The following NFATC2 variants were observed in gnomAD, a reference collection of about 807,000 sequenced individuals.
NFATC2 encodes nuclear factor of activated T-cells, cytoplasmic 2.
NFATC2 carries 22 observed loss-of-function variants against 87.3 expected under a neutral mutation model. The observed-to-expected ratio is 0.25, with a 90% CI of 0.18 to 0.36. The LOEUF is 0.36. NFATC2 is among the 10% of genes least tolerant of loss of function. The pLI, the probability that NFATC2 is intolerant of heterozygous loss-of-function variation, is 1.00. For missense variants in NFATC2, 1,149 were observed against 1,259.1 expected, an observed-to-expected ratio of 0.91 and a Z score of 1.32; for synonymous variants, 565 against 542.2, an observed-to-expected ratio of 1.04 and a Z score of -0.58.
At chr20:51,426,923 G>A (rs1376812937) in intron 9 of NFATC2, among the ~76,000 whole-genome samples, 1 of 151,930 alleles carries the variant, frequency 6.6e-6, no homozygotes, top group Admixed American at 6.6e-5. Context: ...TGAAGAACAG[G>A]GCAGAAGTAG....
chr20:51,423,291 CAAA>C lies in NFATC2; in HGVS notation c.2722+8773_2722+8775del, dbSNP rs71192527. ...GGTGACAGAGTGAGAGACCCTCTCT[CAAA>C]AAAAAAAAAAAAAAAAAAAAAGGAT... On this transcript the variant is annotated intron_variant, in intron 9 of 10. Coordinates refer to ENST00000371564, the MANE Select transcript of NFATC2 (RefSeq NM_012340.5). 0.013 allele frequency among the ~76,000 whole-genome samples: 814 copies of C among 62,840 alleles called. 15 individuals carry two copies. The East Asian group carries it at 0.17, about 13-fold the overall frequency. The allele number at this position is 62,840 out of a possible 152,430, so 41.2% of individuals were successfully genotyped here. A position where few individuals can be genotyped will look rare whatever the true frequency, so the allele number is the denominator to read the frequency against.
upstream of NFATC2, chr20:51,562,810 C>T: frequency 1.8e-6 from 1 of 561,850 alleles, no homozygotes. This position sits in a 1 kb window ranked among gnomAD's most constrained non-coding sequence, Gnocchi z 5.8. Flanking sequence ...CGGCGCGGCT[C>T]CGCGATCCGG....
At chr20:51,519,834 T>C (rs1460198146) in intron 2 of NFATC2, among the ~76,000 whole-genome samples, 3 of 150,754 alleles carry the variant, frequency 2.0e-5, no homozygotes, top group Admixed American at 1.3e-4. Context: ...GAGAATCACT[T>C]GAACCCAGGA....
upstream of NFATC2, among the ~76,000 whole-genome samples, chr20:51,544,233 C>T (rs570660532): frequency 7.0e-4 from 107 of 152,014 alleles, no homozygotes; most frequent in Non-Finnish European, 1.1e-3. Flanking sequence ...GTGATCCACC[C>T]GCCTCGGCCT....
intron 3 of NFATC2, among the ~76,000 whole-genome samples, chr20:51,477,238 C>T (rs908724384): frequency 6.6e-5 from 10 of 152,070 alleles, no homozygotes; most frequent in East Asian, 1.9e-4. Flanking sequence ...ATCTAGGACA[C>T]GCTGTTGAAA....
In NFATC2 at chr20:51,402,796, C is replaced by T. The variant is rs75015148; in HGVS notation, c.2723-4066G>A. Among the ~76,000 whole-genome samples, 19 of 152,330 alleles carry T rather than the reference C, an allele frequency of 1.2e-4. No homozygotes were observed. The East Asian group carries it at 3.5e-3, about 28-fold the overall frequency. On this transcript the variant is annotated intron_variant, in intron 9 of 10. Coordinates refer to ENST00000371564, the MANE Select transcript of NFATC2 (RefSeq NM_012340.5). ...GATTTCCACCCTAACTTGCTTTGCT[C>T]ATGTCACAGAATCATGCAAAACCTC...
At chr20:51,510,818 C>T (rs764573490) in intron 3 of NFATC2, among the ~76,000 whole-genome samples, 1 of 152,126 alleles carries the variant, frequency 6.6e-6, no homozygotes, top group Non-Finnish European at 1.5e-5. Context: ...GAAACTACCT[C>T]GATCCGGCTG....
rs1413378873 is a variant in NFATC2, at chr20:51,484,219, T to C, written c.1333-8559A>G. ...CACTTATCATGCCCTCAGCTTGAAATGCTCTCCCTCCATGACCTGCAGGGC... is the reference window on the plus strand; with the variant it reads ...CACTTATCATGCCCTCAGCTTGAAACGCTCTCCCTCCATGACCTGCAGGGC... On this transcript the variant is annotated intron_variant, in intron 3 of 10. Coordinates refer to ENST00000371564, the MANE Select transcript of NFATC2 (RefSeq NM_012340.5). Among the ~76,000 whole-genome samples, 4 of 151,852 alleles carry C rather than the reference T, an allele frequency of 2.6e-5. No homozygotes were observed. In the East Asian group the frequency reaches 7.8e-4, roughly 30 times the overall value.
chr20:51,469,335 A>C (rs1430542484), intron 5 of NFATC2, among the ~76,000 whole-genome samples: 1 of 152,190 alleles, frequency 6.6e-6, no homozygotes, highest in Non-Finnish European at 1.5e-5. Flanking sequence ...GTATTTTTTA[A>C]TACAACTCCC....
chr20:51,433,226 G>C (rs747896150), intron 8 of NFATC2, among the ~76,000 whole-genome samples: 8 of 152,140 alleles, frequency 5.3e-5, no homozygotes, highest in Non-Finnish European at 7.4e-5. Flanking sequence ...GCTCCTCAAA[G>C]AGAGGACTTT....
intron 1 of NFATC2, among the ~76,000 whole-genome samples, chr20:51,539,960 C>A (rs1320895598): frequency 1.3e-5 from 2 of 152,170 alleles, no homozygotes. Flanking sequence ...AGAAAAGCTA[C>A]CTCTACTGGG....
intron 1 of NFATC2, among the ~76,000 whole-genome samples, chr20:51,528,422 C>G (rs1186433898): frequency 7.0e-6 from 1 of 142,230 alleles, no homozygotes; most frequent in Non-Finnish European, 1.6e-5. Flanking sequence ...TGTACACAGA[C>G]AGATGTACAC....
At chr20:51,535,731 T>A (rs965538786) in intron 1 of NFATC2, among the ~76,000 whole-genome samples, 4 of 152,228 alleles carry the variant, frequency 2.6e-5, no homozygotes, top group Non-Finnish European at 4.4e-5. Context: ...TTAGCAGGCA[T>A]TTCAGACTTG....
intron 1 of NFATC2, among the ~76,000 whole-genome samples, chr20:51,553,198 C>T (rs967234332): frequency 1.8e-4 from 27 of 152,288 alleles, no homozygotes; most frequent in African/African-American, 6.0e-4. Context: ...GCCCCAGCCC[C>T]CACCTGTCTT....
intron 5 of NFATC2, 106 bp from the exon 6 acceptor site, chr20:51,454,794 G>T: frequency 8.2e-7 from 1 of 1,219,698 alleles, no homozygotes; most frequent in Non-Finnish European, 1.1e-6. Context: ...GCCCACCTGT[G>T]TCACCTGTTG....
At chr20:51,514,300 TAC>T (rs2076317352) in intron 3 of NFATC2, among the ~76,000 whole-genome samples, 1 of 152,208 alleles carries the variant, frequency 6.6e-6, no homozygotes, top group African/African-American at 2.4e-5. Flanking sequence ...CAGAAATGGA[TAC>T]AGATTCTCTC....
At chr20:51,494,405 T>G (rs1037273370) in intron 3 of NFATC2, among the ~76,000 whole-genome samples, 2 of 152,106 alleles carry the variant, frequency 1.3e-5, no homozygotes, top group African/African-American at 4.8e-5. Flanking sequence ...TATTTTACTT[T>G]CAAGTGGAAA....
chr20:51,407,329 A>G (rs1286206775), intron 9 of NFATC2, among the ~76,000 whole-genome samples: 1 of 152,056 alleles, frequency 6.6e-6, no homozygotes, highest in Non-Finnish European at 1.5e-5. Flanking sequence ...CAGTTTTATC[A>G]TTTATATTTT....
Position 51,453,906 on chromosome 20 carries a change from C to A in NFATC2, c.1849+642G>T, listed in dbSNP as rs184350156. Among the ~76,000 whole-genome samples the A allele has an allele frequency of 7.3e-4, 111 of 152,246 alleles. 1 individual carries two copies. Among genetic ancestry groups the A allele is most frequent in the Middle Eastern group, 3.4e-3 (1 of 292 alleles). On this transcript the variant is annotated intron_variant, in intron 6 of 10. Coordinates refer to ENST00000371564, the MANE Select transcript of NFATC2 (RefSeq NM_012340.5). ...CCAAAATTCCACTGCTGGGAATAAA[C>A]CCTAAATAAACTAAAAAGATATACA... is the stretch of plus-strand genomic sequence containing the variant.
Sources: allele counts gnomAD v4.1 joint callset (sites outside exome capture counted in the v4.1 genomes callset), GRCh38; gene constraint gnomAD v4.1.1; non-coding constraint Gnocchi (gnomAD v3.1); transcripts MANE v1.5; gene names NCBI Gene and HGNC (gene_info 2026-07-23, HGNC 2026-07-21).